Variants in ROBO2 observed in about 807,000 individuals in gnomAD.
The protein encoded by ROBO2 is roundabout guidance receptor 2, also known as roundabout homolog 2.
In ROBO2, 53 loss-of-function variants were observed where a neutral mutation model predicts 160.8. The ratio of observed to expected loss-of-function variants is 0.33; its 90% CI spans 0.26 to 0.41. The LOEUF (loss-of-function observed/expected upper bound fraction) is 0.41, where lower values mean the gene tolerates loss of function less well. Among genes scored for constraint, ROBO2 ranks in the 10% least tolerant of loss-of-function variants. ROBO2 has a pLI of 1.00. For missense variants in ROBO2, 1,577 were observed against 1,722.4 expected (o/e 0.92, Z 1.49); for synonymous variants, 664 against 611.7 (o/e 1.09, Z -1.26).
intron 2 of ROBO2, among the ~76,000 whole-genome samples, chr3:77,019,206 C>A (rs543256079): frequency 7.9e-5 from 12 of 152,198 alleles, no homozygotes; most frequent in African/African-American, 2.6e-4. Context: ...GCTCTGGGGG[C>A]AGGAAAGTCC....
At chr3:76,758,109 A>T (rs2061087701) in intron 2 of ROBO2, among the ~76,000 whole-genome samples, 1 of 151,846 alleles carries the variant, frequency 6.6e-6, no homozygotes, top group Admixed American at 6.6e-5. Flanking sequence ...CTTAAGACAT[A>T]ACTCGATACA....
At chr3:76,982,386 T>G (rs949753457) in intron 2 of ROBO2, among the ~76,000 whole-genome samples, 1 of 152,198 alleles carries the variant, frequency 6.6e-6, no homozygotes, top group African/African-American at 2.4e-5. Flanking sequence ...TTGACTGCGA[T>G]GTAGGGTTTA....
intron 2 of ROBO2, among the ~76,000 whole-genome samples, chr3:75,982,603 C>G (rs1395918431): frequency 6.6e-6 from 1 of 151,360 alleles, no homozygotes; most frequent in Non-Finnish European, 1.5e-5. Flanking sequence ...TTTTAAAGCC[C>G]TAATTTTACA....
chr3:76,732,141 T>G (rs1226685361), intron 2 of ROBO2, among the ~76,000 whole-genome samples: 1 of 152,052 alleles, frequency 6.6e-6, no homozygotes, highest in Non-Finnish European at 1.5e-5. Flanking sequence ...CAGAGAAAAC[T>G]TTAGCAAGAA....
intron 2 of ROBO2, among the ~76,000 whole-genome samples, chr3:76,362,825 G>A (rs1002207017): frequency 1.3e-5 from 2 of 151,914 alleles, no homozygotes; most frequent in African/African-American, 4.8e-5. Flanking sequence ...TCCAACCACC[G>A]CCAAACTTCC....
At chr3:77,047,836 G>A (rs2064836843) in intron 1 of ROBO2, among the ~76,000 whole-genome samples, 1 of 151,652 alleles carries the variant, frequency 6.6e-6, no homozygotes, top group Non-Finnish European at 1.5e-5. Flanking sequence ...GAGGTCAGGA[G>A]GTCGAGACTA....
intron 2 of ROBO2, among the ~76,000 whole-genome samples, chr3:76,549,263 C>A (rs555624009): frequency 4.6e-5 from 7 of 152,268 alleles, no homozygotes; most frequent in African/African-American, 1.7e-4. Context: ...ATACTGAGTT[C>A]TGGCAATGTG....
At chr3:77,063,460 C>A (rs2066525831) in intron 1 of ROBO2, among the ~76,000 whole-genome samples, 1 of 152,128 alleles carries the variant, frequency 6.6e-6, no homozygotes, top group African/African-American at 2.4e-5. Context: ...AAAATAAAAC[C>A]ATTTCAAGTG....
intron 2 of ROBO2, among the ~76,000 whole-genome samples, chr3:77,295,699 C>T (rs1310338987): frequency 6.7e-6 from 1 of 148,968 alleles, no homozygotes; most frequent in Admixed American, 6.7e-5. Context: ...GAAGTTGAGG[C>T]TAGATCACTA....
chr3:76,439,144 A>G (rs1286510240), intron 2 of ROBO2, among the ~76,000 whole-genome samples: 2 of 152,196 alleles, frequency 1.3e-5, no homozygotes, highest in Non-Finnish European at 2.9e-5. Context: ...CCACTTACTC[A>G]TCTAGTAAAT....
At chr3:77,574,768 G>A (rs1229980661) in intron 14 of ROBO2, 38 bp downstream of exon 15, 2 of 1,486,556 alleles carry the variant, frequency 1.3e-6, no homozygotes, top group Admixed American at 3.4e-5. Flanking sequence ...CAAACATGAT[G>A]AAACCAATTT....
intron 2 of ROBO2, among the ~76,000 whole-genome samples, chr3:77,209,268 T>G (rs1027730664): frequency 2.0e-5 from 3 of 152,172 alleles, no homozygotes; most frequent in Admixed American, 6.6e-5. Flanking sequence ...AACTATTCAT[T>G]TGCCTTAGAT....
chr3:76,930,699 A>G (rs917006306), intron 2 of ROBO2, among the ~76,000 whole-genome samples: 2 of 152,196 alleles, frequency 1.3e-5, no homozygotes, highest in East Asian at 3.9e-4. Context: ...TCAAAATCTG[A>G]TAGTCTGAGA....
chr3:76,175,622 A>G (rs1439329927), intron 2 of ROBO2, among the ~76,000 whole-genome samples: 4 of 152,090 alleles, frequency 2.6e-5, no homozygotes, highest in Non-Finnish European at 5.9e-5. Context: ...CCAGAAAGCT[A>G]TACTCCCTAT....
intron 2 of ROBO2, among the ~76,000 whole-genome samples, chr3:77,162,467 A>G (rs1370533766): frequency 2.0e-5 from 3 of 152,208 alleles, no homozygotes; most frequent in African/African-American, 7.2e-5. Context: ...TTTCATTAAA[A>G]TAGCTTTCAG....
chr3:76,199,717 A>G, intron 2 of ROBO2, among the ~76,000 whole-genome samples: 1 of 152,144 alleles, frequency 6.6e-6, no homozygotes, highest in African/African-American at 2.4e-5. Context: ...CAACTTCTCT[A>G]GTTTTGTTCC....
At chr3:77,501,011 A>C (rs11929206) in intron 5 of ROBO2, among the ~76,000 whole-genome samples, 4,925 of 152,316 alleles carry the variant, frequency 0.032, 264 homozygotes, top group African/African-American at 0.11. Context: ...ACCAGGTGCC[A>C]GTATGCAGAG....
At chr3:77,506,762 T>C (rs550723453) in intron 5 of ROBO2, among the ~76,000 whole-genome samples, 2 of 152,166 alleles carry the variant, frequency 1.3e-5, no homozygotes, top group Admixed American at 6.6e-5. Context: ...CAAGTAGTTA[T>C]TTTATGTAAT....
intron 2 of ROBO2, among the ~76,000 whole-genome samples, chr3:76,226,309 A>G (rs1216933642): frequency 6.6e-6 from 1 of 152,148 alleles, no homozygotes; most frequent in African/African-American, 2.4e-5. Flanking sequence ...TAAACAAATA[A>G]TGAAATAATT....
Sources: gnomAD v4.1 joint callset for allele counts (sites outside exome capture counted in the v4.1 genomes callset) on GRCh38, gnomAD v4.1.1 for gene constraint, MANE v1.5 for transcripts, NCBI Gene and HGNC (gene_info 2026-07-23, HGNC 2026-07-21) for gene names.